Variants in ARHGAP29 observed in about 807,000 individuals in gnomAD.
ARHGAP29 encodes the protein rho GTPase-activating protein 29.
In ARHGAP29, 43 loss-of-function variants were observed where a neutral mutation model predicts 122.6. The ratio of observed to expected loss-of-function variants is 0.35; its 90% CI spans 0.27 to 0.45. ARHGAP29 has a LOEUF of 0.45. Ranked by LOEUF, ARHGAP29 falls within the 20% of genes least tolerant of loss-of-function variation. The pLI, the probability that ARHGAP29 is intolerant of heterozygous loss-of-function variation, is 1.00. For missense variants in ARHGAP29, 1,303 were observed against 1,477.2 expected (o/e 0.88, Z 1.93); for synonymous variants, 506 against 497.1 (o/e 1.02, Z -0.24).
rs145006538 is a variant in ARHGAP29, at chr1:94,200,529, T to TG, written c.1281+1190_1281+1191insC. On this transcript the variant is annotated intron_variant, in intron 12 of 22. Transcript: ENST00000260526. ...ACTACACATTTAGCACACCAGCCAG[T>TG]AATCCCACTCCTGGTATTGACTTGA... 2.9e-3 allele frequency among the ~76,000 whole-genome samples: 440 copies of TG among 152,312 alleles called. 6 individuals are homozygous for TG. The highest frequency in any genetic ancestry group is 0.01 in the African/African-American group (420 of 41,572).
rs570077061 is a variant in ARHGAP29, at chr1:94,192,843, G to C, written c.1282-2760C>G. ...AAAAAAAAATTAATGCTCAATATAG[G>C]TTATAAACAGGACCCAGAGTCAATA... On this transcript the variant is annotated intron_variant, in intron 12 of 22. Transcript: ENST00000260526. The C allele has an allele frequency of 2.0e-5, 3 of 152,086 alleles. No homozygotes were observed. In the East Asian group the frequency reaches 5.8e-4, roughly 29 times the overall value. The allele number at this position is 152,086 out of a possible 1,614,324, so 9.4% of individuals were successfully genotyped here. A position where few individuals can be genotyped will look rare whatever the true frequency, so the allele number is the denominator to read the frequency against.
At chr1:94,295,636 A>G in the ARHGAP29 span, among the ~76,000 whole-genome samples, 1 of 152,206 alleles carries the variant, frequency 6.6e-6, no homozygotes, top group Non-Finnish European at 1.5e-5. Flanking sequence ...TGTTGATGCG[A>G]TGAATCCATT....
chr1:94,235,711 T>C lies in ARHGAP29; in HGVS notation c.-33+1704A>G, dbSNP rs374413936. ...CTCTTTCAACTTCAAACCAACAATATTAAAAACATGTATTATCCACTTCTC... is the reference window on the plus strand; with the variant it reads ...CTCTTTCAACTTCAAACCAACAATACTAAAAACATGTATTATCCACTTCTC... On this transcript the variant is annotated intron_variant, in intron 1 of 22. Coordinates refer to ENST00000260526, the MANE Select transcript of ARHGAP29 (RefSeq NM_004815.4). 1.9e-4 allele frequency among the ~76,000 whole-genome samples: 29 copies of C among 152,302 alleles called. No homozygotes were observed. The South Asian group carries it at 3.5e-3, about 18-fold the overall frequency.
intron 2 of ARHGAP29, among the ~76,000 whole-genome samples, chr1:94,227,865 C>T (rs1426807778): frequency 6.6e-6 from 1 of 151,804 alleles, no homozygotes; most frequent in Non-Finnish European, 1.5e-5. Flanking sequence ...ATATGCATAA[C>T]TGAGTGCCTT....
intron 10 of ARHGAP29, 47 bp from the exon 11 acceptor site, chr1:94,202,779 T>C (rs1420617675): frequency 1.3e-6 from 2 of 1,584,074 alleles, no homozygotes; most frequent in Non-Finnish European, 1.7e-6. Context: ...GAAATCCTAC[T>C]GAACAAGTGT....
chr1:94,289,403 G>A, the ARHGAP29 span, among the ~76,000 whole-genome samples: 1 of 152,136 alleles, frequency 6.6e-6, no homozygotes, highest in African/African-American at 2.4e-5. Flanking sequence ...AGAGGATGGG[G>A]CTTTCTAAAT....
At chr1:94,297,904 A>G in the ARHGAP29 span, among the ~76,000 whole-genome samples, 3 of 152,182 alleles carry the variant, frequency 2.0e-5, no homozygotes, top group African/African-American at 7.2e-5. Flanking sequence ...TTGGAGCCCA[A>G]ATAACATAGT....
chr1:94,236,727 C>T (rs945682191), intron 1 of ARHGAP29, among the ~76,000 whole-genome samples: 1 of 152,028 alleles, frequency 6.6e-6, no homozygotes, highest in Admixed American at 6.6e-5. Flanking sequence ...AACACGTCCA[C>T]AATTGAACTG....
At chr1:94,230,139 T>C (rs1652837489) in intron 2 of ARHGAP29, among the ~76,000 whole-genome samples, 2 of 151,752 alleles carry the variant, frequency 1.3e-5, no homozygotes, top group Admixed American at 1.3e-4. Flanking sequence ...ATTTTATTGT[T>C]TATAAATTTA....
intron 12 of ARHGAP29, chr1:94,192,476 A>G (rs144839272): frequency 2.8e-4 from 42 of 152,270 alleles, no homozygotes; most frequent in African/African-American, 1.0e-3. Flanking sequence ...ACAGTAGAAG[A>G]AAACTCCCTG....
At chr1:94,292,208 T>G in the ARHGAP29 span, among the ~76,000 whole-genome samples, 4 of 152,230 alleles carry the variant, frequency 2.6e-5, no homozygotes, top group Non-Finnish European at 4.4e-5. Context: ...AATTTTATCT[T>G]CAATCACTGA....
At chr1:94,183,010 T>C (rs1649574425) in intron 19 of ARHGAP29, among the ~76,000 whole-genome samples, 1 of 152,168 alleles carries the variant, frequency 6.6e-6, no homozygotes, top group Non-Finnish European at 1.5e-5. Context: ...GTAAGATGAC[T>C]GTAGTTAACA....
intron 5 of ARHGAP29, among the ~76,000 whole-genome samples, chr1:94,206,265 ATTAAAT>A (rs1301507576): frequency 6.6e-6 from 1 of 152,204 alleles, no homozygotes; most frequent in African/African-American, 2.4e-5. Flanking sequence ...AACTATTATA[ATTAAAT>A]TTAAAGAACT....
chr1:94,238,555 CAG>C (rs1185773660), upstream of ARHGAP29, among the ~76,000 whole-genome samples: 2 of 152,020 alleles, frequency 1.3e-5, no homozygotes, highest in South Asian at 4.1e-4. Context: ...CATAGAGAAA[CAG>C]AGGAAAAAAC....
rs1252112382 is a variant in ARHGAP29, at chr1:94,172,412, G to A, written c.*1457C>T. 6.6e-6 allele frequency: 1 copy of A among 151,918 alleles called. No homozygotes were observed. The highest frequency in any genetic ancestry group is 2.4e-5 in the African/African-American group (1 of 41,366). 9.4% of individuals were successfully genotyped at this position (151,918 alleles called of 1,614,324 possible). A position where few individuals can be genotyped will look rare whatever the true frequency, so the allele number is the denominator to read the frequency against. ...AAAACAAGCCTTCAGAAAAAAAAGG[G>A]CTGGTTATTGCTCCCTAGACCTTTA... On this transcript the variant is annotated 3_prime_UTR_variant, in exon 23 of 23. Transcript: ENST00000260526.
At chr1:94,241,386 C>A (rs1337771453), upstream of ARHGAP29, among the ~76,000 whole-genome samples, 3 of 151,982 alleles carry the variant, frequency 2.0e-5, no homozygotes, top group Non-Finnish European at 2.9e-5. Flanking sequence ...GAGGCCGAGG[C>A]GGGCGGATCA....
At chr1:94,222,904 T>C (rs902128331) in intron 2 of ARHGAP29, among the ~76,000 whole-genome samples, 7 of 151,916 alleles carry the variant, frequency 4.6e-5, no homozygotes, top group African/African-American at 1.7e-4. Context: ...AGGTAAAAGA[T>C]TTTAGGAATT....
chr1:94,205,317 C>T (rs1311496502), intron 6 of ARHGAP29, 119 bp from the exon 7 acceptor site: 1 of 815,230 alleles, frequency 1.2e-6, no homozygotes, highest in Non-Finnish European at 1.8e-6. Flanking sequence ...AAAAAAAATA[C>T]AAGTGACAAA....
At chr1:94,198,568 C>T (rs1650614602) in intron 12 of ARHGAP29, among the ~76,000 whole-genome samples, 2 of 152,092 alleles carry the variant, frequency 1.3e-5, no homozygotes, top group Non-Finnish European at 2.9e-5. Context: ...TACATATAGA[C>T]CATTCACAAT....
Sources: allele counts gnomAD v4.1 joint callset (sites outside exome capture counted in the v4.1 genomes callset), GRCh38; gene constraint gnomAD v4.1.1; transcripts MANE v1.5; gene names NCBI Gene and HGNC (gene_info 2026-07-23, HGNC 2026-07-21).